Variants in ABTB3 observed in about 807,000 individuals in gnomAD.
The protein encoded by ABTB3 is ankyrin repeat- and BTB/POZ domain-containing protein 3.
At chr12:107,442,179 G>T in the ABTB3 span, among the ~76,000 whole-genome samples, 3 of 152,192 alleles carry the variant, frequency 2.0e-5, no homozygotes, top group African/African-American at 7.2e-5. Context: ...AGGGTGCATG[G>T]CTGGCACTCA....
the ABTB3 span, among the ~76,000 whole-genome samples, chr12:107,458,886 C>T: frequency 6.6e-6 from 1 of 152,158 alleles, no homozygotes; most frequent in Non-Finnish European, 1.5e-5. Flanking sequence ...CCACCCCCTG[C>T]AGGCCCCCTC....
chr12:107,518,461 G>T, the ABTB3 span, among the ~76,000 whole-genome samples: 1 of 152,114 alleles, frequency 6.6e-6, no homozygotes, highest in African/African-American at 2.4e-5. Flanking sequence ...TAGGGACATG[G>T]ATGAAGATGG....
At chr12:107,375,985 C>G in the ABTB3 span, among the ~76,000 whole-genome samples, 2 of 152,172 alleles carry the variant, frequency 1.3e-5, no homozygotes, top group Non-Finnish European at 2.9e-5. Flanking sequence ...TTGTCACTCT[C>G]CAGGCCCAGG....
At chr12:107,541,258 AG>A in the ABTB3 span, among the ~76,000 whole-genome samples, 2 of 152,208 alleles carry the variant, frequency 1.3e-5, no homozygotes, top group Admixed American at 1.3e-4. Context: ...TTTGGATGTT[AG>A]GTAAATGTGT....
chr12:107,359,360 C>T, the ABTB3 span, among the ~76,000 whole-genome samples: 1 of 152,194 alleles, frequency 6.6e-6, no homozygotes, highest in Non-Finnish European at 1.5e-5. Context: ...GATGAGATTG[C>T]TGTGCATCCT....
the ABTB3 span, among the ~76,000 whole-genome samples, chr12:107,443,289 C>T: frequency 6.6e-6 from 1 of 151,614 alleles, no homozygotes; most frequent in Non-Finnish European, 1.5e-5. Flanking sequence ...GCAAAGGGGC[C>T]AGGACCAGTT....
chr12:107,482,903 TCTCTTTC>T, the ABTB3 span, among the ~76,000 whole-genome samples: 909 of 148,792 alleles, frequency 6.1e-3, 8 homozygotes, highest in Middle Eastern at 0.014. Context: ...TCTCTCTCTC[TCTCTTTC>T]TTCTTCTTTC....
At chr12:107,510,583 C>T in the ABTB3 span, among the ~76,000 whole-genome samples, 2 of 152,050 alleles carry the variant, frequency 1.3e-5, no homozygotes, top group South Asian at 2.1e-4. Context: ...GATGGGAGAG[C>T]GATGCAGGGT....
the ABTB3 span, chr12:107,486,756 A>AG: frequency 6.6e-6 from 1 of 151,422 alleles, no homozygotes; most frequent in Non-Finnish European, 1.5e-5. Context: ...AAAAAAAAAA[A>AG]TCACTGATGT....
chr12:107,556,414 G>A, the ABTB3 span, among the ~76,000 whole-genome samples: 2 of 152,132 alleles, frequency 1.3e-5, no homozygotes, highest in Admixed American at 1.3e-4. Context: ...TCTTGCTGAT[G>A]AGGATCTTCA....
chr12:107,456,826 C>T, the ABTB3 span, among the ~76,000 whole-genome samples: 542 of 151,672 alleles, frequency 3.6e-3, 14 homozygotes, highest in East Asian at 9.7e-4. Flanking sequence ...GTTCTAGTGA[C>T]GGTGCATGTG....
chr12:107,411,677 A>G, the ABTB3 span, among the ~76,000 whole-genome samples: 77 of 152,172 alleles, frequency 5.1e-4, no homozygotes, highest in African/African-American at 1.8e-3. Context: ...TGTGAGCCCA[A>G]GGGCCTCATG....
At chr12:107,542,320 A>AAAAAAATAAAAAAAAAAT in the ABTB3 span, among the ~76,000 whole-genome samples, 1 of 151,876 alleles carries the variant, frequency 6.6e-6, no homozygotes, top group South Asian at 2.1e-4. Flanking sequence ...TCAAAAAAAA[A>AAAAAAATAAAAAAAAAAT]AAAAATTAAC....
the ABTB3 span, chr12:107,651,739 G>C: frequency 6.2e-7 from 1 of 1,614,146 alleles, no homozygotes; most frequent in East Asian, 2.2e-5. Context: ...TTATCTGTGC[G>C]AAAAGCATCA....
At chr12:107,448,937 T>C in the ABTB3 span, among the ~76,000 whole-genome samples, 33 of 152,368 alleles carry the variant, frequency 2.2e-4, no homozygotes, top group African/African-American at 7.9e-4. Context: ...AGTTCTTTAA[T>C]GACTGAATGA....
chr12:107,597,211 G>T, the ABTB3 span, among the ~76,000 whole-genome samples: 2 of 152,240 alleles, frequency 1.3e-5, no homozygotes, highest in African/African-American at 4.8e-5. Context: ...AAAGCAGCCA[G>T]ATCTGGCCCT....
the ABTB3 span, among the ~76,000 whole-genome samples, chr12:107,320,272 T>C: frequency 6.6e-5 from 10 of 152,224 alleles, no homozygotes; most frequent in African/African-American, 9.6e-5. Flanking sequence ...TATTTCACGC[T>C]GCTGGTGCTG....
the ABTB3 span, among the ~76,000 whole-genome samples, chr12:107,390,226 T>C: frequency 1.3e-5 from 2 of 152,234 alleles, no homozygotes; most frequent in African/African-American, 4.8e-5. Context: ...AAAAAGTACC[T>C]ACTGTGCGGT....
chr12:107,396,047 C>A, the ABTB3 span, among the ~76,000 whole-genome samples: 1 of 152,236 alleles, frequency 6.6e-6, no homozygotes, highest in Non-Finnish European at 1.5e-5. Context: ...GGACTAGCTC[C>A]TGGCCCCCTC....
Sources: gnomAD v4.1 joint callset for allele counts (sites outside exome capture counted in the v4.1 genomes callset) on GRCh38, gnomAD v4.1.1 for gene constraint, MANE v1.5 for transcripts, NCBI Gene and HGNC (gene_info 2026-07-23, HGNC 2026-07-21) for gene names.